Variants in AGO4 observed in about 807,000 individuals in gnomAD.
The protein encoded by AGO4 is argonaute RISC component 4.
AGO4 carries 33 observed loss-of-function variants against 104.7 expected under a neutral mutation model. That is an observed-to-expected ratio of 0.32 (90% CI 0.24 to 0.42). The LOEUF (loss-of-function observed/expected upper bound fraction) is 0.42, where lower values mean the gene tolerates loss of function less well. Among genes scored for constraint, AGO4 ranks in the 10% least tolerant of loss-of-function variants. The pLI, the probability that AGO4 is intolerant of heterozygous loss-of-function variation, is 1.00. For synonymous variants in AGO4, 331 were observed against 364.7 expected, an observed-to-expected ratio of 0.91 and a Z score of 1.05; for missense variants, 711 against 1,083.4, an observed-to-expected ratio of 0.66 and a Z score of 4.83.
At chr1:35,810,037 T>TG (rs1304369658) in intron 1 of AGO4, among the ~76,000 whole-genome samples, 79 of 123,716 alleles carry the variant, frequency 6.4e-4, no homozygotes, top group African/African-American at 3.1e-3. Context: ...CTTTTTTTTT[T>TG]TTGTTTTGAT....
intron 2 of AGO4, among the ~76,000 whole-genome samples, chr1:35,818,178 A>T (rs1387140594): frequency 1.3e-5 from 2 of 152,224 alleles, no homozygotes; most frequent in Non-Finnish European, 2.9e-5. Context: ...ATACATATAC[A>T]TGCATATGTA....
intron 1 of AGO4, among the ~76,000 whole-genome samples, chr1:35,815,857 C>A (rs770376240): frequency 6.6e-6 from 1 of 152,126 alleles, no homozygotes; most frequent in African/African-American, 2.4e-5. Context: ...TCCTGGGGAA[C>A]AAATTTGCCC....
chr1:35,831,875 A>G lies in AGO4; in HGVS notation c.1060A>G (p.Met354Val), dbSNP rs1328353228. 2.5e-6 allele frequency: 4 copies of G among 1,614,044 alleles called. No homozygotes were observed. The highest frequency in any genetic ancestry group is 2.2e-5 in the East Asian group (1 of 44,884). ...GCTCACAGACAATCAGACTTCCACA[A>G]TGATCAAAGCTACAGCAAGATCTGC... is the stretch of plus-strand genomic sequence containing the variant. ...KKLTDNQTST[M>V]IKATARSAPD... The change falls in exon 9 of 18, where the codon ATG becomes GTG. Residue 354 changes from methionine to valine, a missense_variant. This residue lies in a region of AGO4 where 401 missense variants were observed against 665.5 expected (regional missense o/e 0.60). Coordinates refer to ENST00000373210, the MANE Select transcript of AGO4 (RefSeq NM_017629.4).
intron 17 of AGO4, 150 bp downstream of exon 17, chr1:35,851,203 T>A: frequency 1.3e-6 from 1 of 759,796 alleles, no homozygotes; most frequent in Non-Finnish European, 2.1e-6. Flanking sequence ...TGAGAGCTTG[T>A]AATGTGACTT....
At chr1:35,847,923 G>A (rs1020078598) in intron 15 of AGO4, among the ~76,000 whole-genome samples, 16 of 151,860 alleles carry the variant, frequency 1.1e-4, no homozygotes, top group Admixed American at 7.2e-4. Flanking sequence ...TACAAATAAT[G>A]TGCAGTGATC....
rs1003479177 is a variant in AGO4, at chr1:35,808,375, GGAGGCGCCGGGGACCGGGGCGA to G, written c.-40_-19del. ...GGCGGCGGCGGCGGGGCCCGGAGCG[GGAGGCGCCGGGGACCGGGGCGA>G]GGCGGCCCCCGCCGCCGCCATGGAG... On this transcript the variant is annotated 5_prime_UTR_variant, in exon 1 of 18. Transcript: ENST00000373210. This position sits in a 1 kb window ranked among gnomAD's most constrained non-coding sequence, Gnocchi z 5.2. 1.2e-5 allele frequency: 13 copies of G among 1,056,240 alleles called. No individual in the cohort carries two copies. Among genetic ancestry groups the G allele is most frequent in the African/African-American group, 1.7e-5 (1 of 58,436 alleles). The allele number at this position is 1,056,240 out of a possible 1,614,324, so 65.4% of individuals were successfully genotyped here. A position where few individuals can be genotyped will look rare whatever the true frequency, so the allele number is the denominator to read the frequency against.
rs546498377 is a variant in AGO4, at chr1:35,854,683, T to G, written c.*1078T>G. The G allele has an allele frequency of 3.7e-3, 565 of 152,796 alleles. No individual in the cohort carries two copies. Among genetic ancestry groups the G allele is most frequent in the Non-Finnish European group, 5.8e-3 (394 of 68,040 alleles). 9.5% of individuals were successfully genotyped at this position (152,796 alleles called of 1,614,324 possible). ...ACCTGTTTTATATTCACAGTTGGTG[T>G]CCTGTCACTTTGTTTTAAAATAAGC... On this transcript the variant is annotated 3_prime_UTR_variant, in exon 18 of 18. Coordinates refer to ENST00000373210, the MANE Select transcript of AGO4 (RefSeq NM_017629.4).
intron 1 of AGO4, among the ~76,000 whole-genome samples, chr1:35,813,005 A>T (rs1440845430): frequency 1.2e-4 from 18 of 152,192 alleles, no homozygotes; most frequent in Non-Finnish European, 8.8e-5. Context: ...CACCTCTCAC[A>T]TTATTTACTA....
chr1:35,855,846 C>G lies in AGO4; in HGVS notation c.*2241C>G, dbSNP rs1409736363. 6.6e-6 allele frequency: 1 copy of G among 152,196 alleles called. No individual in the cohort carries two copies. Among genetic ancestry groups the G allele is most frequent in the Non-Finnish European group, 1.5e-5 (1 of 68,052 alleles). 9.4% of individuals were successfully genotyped at this position (152,196 alleles called of 1,614,324 possible). A position where few individuals can be genotyped will look rare whatever the true frequency, so the allele number is the denominator to read the frequency against. On this transcript the variant is annotated 3_prime_UTR_variant, in exon 18 of 18. Coordinates refer to ENST00000373210, the MANE Select transcript of AGO4 (RefSeq NM_017629.4). Reference sequence around the variant, plus strand: ...GCTTTTTTAGGAGAAGGAGGACTTGCTGGAATCCAAGATGTGAAGAACTCT... The same window carrying G: ...GCTTTTTTAGGAGAAGGAGGACTTGGTGGAATCCAAGATGTGAAGAACTCT...
chr1:35,846,989 C>T (rs534811269), intron 15 of AGO4, among the ~76,000 whole-genome samples: 38 of 151,670 alleles, frequency 2.5e-4, no homozygotes, highest in Non-Finnish European at 4.6e-4. Flanking sequence ...TTGAGACAAG[C>T]CTGGGCAACA....
chr1:35,845,022 C>A (rs1466922632), intron 15 of AGO4, among the ~76,000 whole-genome samples: 5 of 152,110 alleles, frequency 3.3e-5, no homozygotes, highest in Non-Finnish European at 7.3e-5. Context: ...GATTCCCACA[C>A]TGACTTCTTT....
At chr1:35,812,311 T>G (rs927939789) in intron 1 of AGO4, among the ~76,000 whole-genome samples, 1 of 152,224 alleles carries the variant, frequency 6.6e-6, no homozygotes, top group Non-Finnish European at 1.5e-5. Flanking sequence ...ACTTTTCTCT[T>G]TGCCAAGGAA....
chr1:35,821,395 A>C (rs1294797214), intron 2 of AGO4, among the ~76,000 whole-genome samples: 2 of 152,202 alleles, frequency 1.3e-5, no homozygotes, highest in Non-Finnish European at 2.9e-5. Context: ...TTGGCTTTTA[A>C]GATATTGTTC....
At chr1:35,852,205 G>A (rs190735550) in intron 17 of AGO4, among the ~76,000 whole-genome samples, 9 of 152,346 alleles carry the variant, frequency 5.9e-5, no homozygotes, top group Admixed American at 3.3e-4. Context: ...TTTGTTAAAT[G>A]TAAAATGCTG....
chr1:35,808,448 C>G lies in AGO4; in HGVS notation c.19+13C>G. The stretch of plus-strand genomic sequence containing the variant: ...GCGCTGGGACCCGGTGAGGAGCGAG[C>G]TCGGGTCGGGGCGGGACCCGGGACC... On this transcript the variant is annotated intron_variant, in intron 1 of 17. Coordinates refer to ENST00000373210, the MANE Select transcript of AGO4 (RefSeq NM_017629.4). The surrounding 1 kb of genome is among the most constrained non-coding windows in gnomAD (Gnocchi z 5.2). The G allele has an allele frequency of 8.5e-7, 1 of 1,178,778 alleles. No individual in the cohort carries two copies. Among genetic ancestry groups the G allele is most frequent in the Non-Finnish European group, 1.0e-6 (1 of 953,782 alleles). 73.0% of individuals were successfully genotyped at this position (1,178,778 alleles called of 1,614,324 possible).
intron 1 of AGO4, among the ~76,000 whole-genome samples, chr1:35,810,908 G>T (rs2148645093): frequency 6.6e-6 from 1 of 152,230 alleles, no homozygotes; most frequent in Middle Eastern, 3.4e-3. Flanking sequence ...GAGGTGGGCG[G>T]ATCATTTGCG....
At chr1:35,823,639 C>T (rs1401421136) in intron 3 of AGO4, among the ~76,000 whole-genome samples, 1 of 151,632 alleles carries the variant, frequency 6.6e-6, no homozygotes, top group Non-Finnish European at 1.5e-5. Context: ...ATATGTTGGC[C>T]AGGCTGGTCT....
chr1:35,829,031 CCA>C (rs1553146666), intron 7 of AGO4, among the ~76,000 whole-genome samples: 2 of 150,848 alleles, frequency 1.3e-5, no homozygotes, highest in Admixed American at 1.3e-4. Context: ...GCCCCCCCCC[CCA>C]CACACACACC....
Position 35,855,905 on chromosome 1 carries a change from C to G in AGO4, c.*2300C>G, listed in dbSNP as rs1293020918. The G allele has an allele frequency of 2.0e-5, 3 of 152,262 alleles. No homozygotes were observed. The highest frequency in any genetic ancestry group is 7.2e-5 in the African/African-American group (3 of 41,462). The allele number at this position is 152,262 out of a possible 1,614,324, so 9.4% of individuals were successfully genotyped here. A position where few individuals can be genotyped will look rare whatever the true frequency, so the allele number is the denominator to read the frequency against. On this transcript the variant is annotated 3_prime_UTR_variant, in exon 18 of 18. Coordinates refer to ENST00000373210, the MANE Select transcript of AGO4 (RefSeq NM_017629.4). Reference sequence around the variant, plus strand: ...GGCTGGCTGGCCAGCGGGCACCACACCTGCACTTGAGTGCCTCGGGCTTGC... The same window carrying G: ...GGCTGGCTGGCCAGCGGGCACCACAGCTGCACTTGAGTGCCTCGGGCTTGC...
Sources: allele counts gnomAD v4.1 joint callset (sites outside exome capture counted in the v4.1 genomes callset), GRCh38; gene constraint gnomAD v4.1.1; regional missense constraint gnomAD v4.1.1; non-coding constraint Gnocchi (gnomAD v3.1); transcripts MANE v1.5; gene names NCBI Gene and HGNC (gene_info 2026-07-23, HGNC 2026-07-21).